SLCO4C1: variants seen among roughly 807,000 people sequenced by gnomAD.
The protein encoded by SLCO4C1 is organic anion transporter M1.
SLCO4C1 carries 58 observed loss-of-function variants against 72.1 expected under a neutral mutation model. The ratio of observed to expected loss-of-function variants is 0.80; its 90% CI spans 0.65 to 1.00. SLCO4C1 has a LOEUF of 1.00. Among genes scored for constraint, SLCO4C1 ranks in the 50% least tolerant of loss-of-function variants. The pLI is 0.00. For synonymous variants in SLCO4C1, 297 were observed against 312.5 expected, an observed-to-expected ratio of 0.95 and a Z score of 0.52; for missense variants, 898 against 857.9, an observed-to-expected ratio of 1.05 and a Z score of -0.58.
chr5:102,253,032 A>G (rs1748770877), intron 8 of SLCO4C1, among the ~76,000 whole-genome samples: 2 of 152,178 alleles, frequency 1.3e-5, no homozygotes, highest in Admixed American at 6.5e-5. Context: ...CCCTAAAACT[A>G]TTGCAAAATA....
chr5:102,273,396 T>G (rs796851865), intron 2 of SLCO4C1, among the ~76,000 whole-genome samples: 3 of 152,156 alleles, frequency 2.0e-5, no homozygotes, highest in Middle Eastern at 3.2e-3. Flanking sequence ...AATATTCCCT[T>G]GTAAAGTCTG....
intron 12 of SLCO4C1, among the ~76,000 whole-genome samples, chr5:102,237,369 G>C (rs541516692): frequency 2.6e-5 from 4 of 152,086 alleles, no homozygotes; most frequent in Non-Finnish European, 5.9e-5. Context: ...TTGGGAAGCT[G>C]AGAGAGGTGG....
intron 10 of SLCO4C1, among the ~76,000 whole-genome samples, chr5:102,242,653 T>C (rs1319134497): frequency 6.6e-6 from 1 of 152,118 alleles, no homozygotes; most frequent in Non-Finnish European, 1.5e-5. Context: ...AGCGTTCATA[T>C]ACTTTTAAGT....
intron 6 of SLCO4C1, among the ~76,000 whole-genome samples, chr5:102,259,499 A>G (rs377759661): frequency 1.3e-5 from 2 of 152,240 alleles, no homozygotes; most frequent in African/African-American, 2.4e-5. Flanking sequence ...TGGAGAAGTA[A>G]AAACATTTTA....
At chr5:102,265,962 A>AT (rs201437269) in intron 3 of SLCO4C1, among the ~76,000 whole-genome samples, 1,704 of 151,542 alleles carry the variant, frequency 0.011, 15 homozygotes, top group Non-Finnish European at 0.019. Context: ...ATGCCTTTCC[A>AT]TTTTTTTTCT....
chr5:102,290,572 A>G (rs770532754), intron 2 of SLCO4C1, among the ~76,000 whole-genome samples: 1 of 152,216 alleles, frequency 6.6e-6, no homozygotes, highest in Non-Finnish European at 1.5e-5. Context: ...ATAGCATAAC[A>G]GACTCCAATT....
chr5:102,287,102 G>A (rs761182108), intron 2 of SLCO4C1, among the ~76,000 whole-genome samples: 7 of 151,946 alleles, frequency 4.6e-5, no homozygotes, highest in Non-Finnish European at 8.8e-5. Context: ...TTAATATTAT[G>A]CTCTATGTTA....
At chr5:102,254,469 G>A (rs1026469611) in intron 8 of SLCO4C1, among the ~76,000 whole-genome samples, 1 of 151,992 alleles carries the variant, frequency 6.6e-6, no homozygotes, top group Admixed American at 6.6e-5. Context: ...ATTGTTTCAG[G>A]ACACCATGAA....
chr5:102,244,770 T>C (rs927338264), intron 10 of SLCO4C1, among the ~76,000 whole-genome samples: 22 of 152,140 alleles, frequency 1.4e-4, no homozygotes, highest in African/African-American at 5.3e-4. Context: ...ACAAAACTCT[T>C]ACCTTAGAAT....
intron 8 of SLCO4C1, among the ~76,000 whole-genome samples, chr5:102,256,830 C>G (rs907657628): frequency 6.6e-6 from 1 of 152,114 alleles, no homozygotes; most frequent in East Asian, 1.9e-4. Flanking sequence ...GGATGTGAAT[C>G]GCTTAGAGGC....
In SLCO4C1 at chr5:102,261,967, C is replaced by G. The variant is rs1207033626; in HGVS notation, c.966G>C (p.Trp322Cys). Reference protein sequence around the residue: ...GAWWIGFLLSWIFAWSLIIPF... With the variant: ...GAWWIGFLLSCIFAWSLIIPF... Reference sequence around the variant, plus strand: ...GTATTATTAAAGACCAAGCAAAGATCCATGATAGAAGAAACCCAATCCACC... The same window carrying G: ...GTATTATTAAAGACCAAGCAAAGATGCATGATAGAAGAAACCCAATCCACC... The change falls in exon 5 of 13, where the codon TGG becomes TGC. Residue 322 changes from tryptophan (W) to cysteine (C), a missense_variant. By Grantham distance (215) the Trp-to-Cys change is radical. Transcript: ENST00000310954. The G allele has an allele frequency of 6.2e-7, 1 of 1,613,090 alleles. No individual in the cohort carries two copies. Among genetic ancestry groups the G allele is most frequent in the South Asian group, 1.1e-5 (1 of 91,036 alleles).
At chr5:102,269,006 C>T (rs947306608) in intron 3 of SLCO4C1, among the ~76,000 whole-genome samples, 8 of 151,898 alleles carry the variant, frequency 5.3e-5, no homozygotes, top group South Asian at 2.1e-4. Flanking sequence ...ATCCAATTGT[C>T]TCCTGACCTG....
At chr5:102,278,907 ATAATC>A (rs1403719571) in intron 2 of SLCO4C1, among the ~76,000 whole-genome samples, 15 of 151,936 alleles carry the variant, frequency 9.9e-5, no homozygotes, top group Non-Finnish European at 1.5e-5. Context: ...AATAAAATCA[ATAATC>A]TAAGCTTCCA....
intron 2 of SLCO4C1, among the ~76,000 whole-genome samples, chr5:102,275,635 A>G (rs992889542): frequency 6.6e-6 from 1 of 152,206 alleles, no homozygotes; most frequent in African/African-American, 2.4e-5. Context: ...CACCAGCAGT[A>G]TACTGTATAT....
intron 2 of SLCO4C1, among the ~76,000 whole-genome samples, chr5:102,273,295 T>C (rs914681825): frequency 6.6e-6 from 1 of 152,002 alleles, no homozygotes; most frequent in Non-Finnish European, 1.5e-5. Flanking sequence ...AAGGTAAAAT[T>C]AAGGAAAATT....
Position 102,240,767 on chromosome 5 carries a change from T to A in SLCO4C1, c.1827A>T (p.Arg609Ser), listed in dbSNP as rs759354805. 5 of 1,611,594 alleles carry A rather than the reference T, an allele frequency of 3.1e-6. No individual in the cohort carries two copies. In the South Asian group the frequency reaches 5.5e-5, roughly 18 times the overall value. ...GTATTCCCAAGGCTAGGGACCGTTG[T>A]CTGTGATTAACACACCTGGAAATAT... The part of the protein sequence containing the change: ...TVSILRCVNH[R>S]QRSLALGIQF... Residue 609 changes from arginine (R) to serine (S), a missense_variant, in exon 11 of 13, where the codon AGA (arginine) becomes AGT (serine). Coordinates refer to ENST00000310954, the MANE Select transcript of SLCO4C1 (RefSeq NM_180991.5).
intron 4 of SLCO4C1, 95 bp from the exon 5 acceptor site, chr5:102,262,128 T>C: frequency 2.2e-6 from 2 of 929,926 alleles, no homozygotes; most frequent in Non-Finnish European, 3.0e-6. Flanking sequence ...CAAGTGCATA[T>C]AGTAGAATAT....
chr5:102,284,484 G>A (rs1749412311), intron 2 of SLCO4C1, among the ~76,000 whole-genome samples: 1 of 152,158 alleles, frequency 6.6e-6, no homozygotes, highest in Non-Finnish European at 1.5e-5. Flanking sequence ...CCTAGAGGAA[G>A]ACAAAGTAAG....
intron 2 of SLCO4C1, among the ~76,000 whole-genome samples, chr5:102,286,304 G>T (rs1749451127): frequency 6.6e-6 from 1 of 152,054 alleles, no homozygotes. Context: ...ACTAGGCTAA[G>T]TAACTACTTT....
Sources: allele counts gnomAD v4.1 joint callset (sites outside exome capture counted in the v4.1 genomes callset), GRCh38; gene constraint gnomAD v4.1.1; transcripts MANE v1.5; gene names NCBI Gene and HGNC (gene_info 2026-07-23, HGNC 2026-07-21).